The following FLRT2 variants were observed in gnomAD, a reference collection of about 807,000 sequenced individuals.
FLRT2 encodes fibronectin leucine rich transmembrane protein 2, also known as leucine-rich repeat transmembrane protein FLRT2.
Under a neutral mutation model 40.0 loss-of-function variants are expected in FLRT2, and 15 were observed. The observed-to-expected ratio is 0.38, with a 90% confidence interval of 0.25 to 0.58. The LOEUF (loss-of-function observed/expected upper bound fraction) is 0.58. Among genes scored for constraint, FLRT2 ranks in the 20% least tolerant of loss-of-function variants. The probability of loss-of-function intolerance (pLI) is 0.71; values close to 1 mark genes in which losing one functional copy is unlikely to be tolerated. For synonymous variants in FLRT2, 380 were observed against 336.8 expected (o/e 1.13, Z -1.41); for missense variants, 726 against 840.0 (o/e 0.86, Z 1.68).
At position 85,648,438 on chromosome 14, in the gene FLRT2, GC is replaced by G. The variant is rs1305505978; in HGVS notation, c.*24943del. 6.6e-6 allele frequency: 1 copy of G among 152,128 alleles called. No individual in the cohort carries two copies. Among genetic ancestry groups the G allele is most frequent in the Non-Finnish European group, 1.5e-5 (1 of 68,024 alleles). 9.4% of individuals were successfully genotyped at this position (152,128 alleles called of 1,614,324 possible). A position where few individuals can be genotyped will look rare whatever the true frequency, so the allele number is the denominator to read the frequency against. On this transcript the variant is annotated 3_prime_UTR_variant, in exon 2 of 2. Transcript: ENST00000330753. Reference sequence around the variant, plus strand: ...TTGGAAAGGCAAAAATGAGGCAGAGGCCATCTTTGTGTTGCTGGTTTGATTA... The same window carrying G: ...TTGGAAAGGCAAAAATGAGGCAGAGGCATCTTTGTGTTGCTGGTTTGATTA...
At chr14:85,581,314 T>A (rs939632876) in intron 1 of FLRT2, among the ~76,000 whole-genome samples, 24 of 152,232 alleles carry the variant, frequency 1.6e-4, no homozygotes, top group African/African-American at 5.5e-4. Context: ...GAGCAAGCAG[T>A]GCTCTGAATG....
At chr14:85,586,308 G>A (rs150264063) in intron 1 of FLRT2, among the ~76,000 whole-genome samples, 91 of 152,018 alleles carry the variant, frequency 6.0e-4, no homozygotes, top group African/African-American at 2.2e-3. Flanking sequence ...CTGGAGTCAG[G>A]CTTCAATCCC....
chr14:85,555,526 A>G (rs535515734), intron 1 of FLRT2, among the ~76,000 whole-genome samples: 420 of 152,168 alleles, frequency 2.8e-3, no homozygotes, highest in African/African-American at 9.9e-3. Flanking sequence ...ATTCACTACC[A>G]TGAGAACAGT....
intron 1 of FLRT2, among the ~76,000 whole-genome samples, chr14:85,583,751 T>C (rs571018744): frequency 6.6e-6 from 1 of 152,262 alleles, no homozygotes; most frequent in African/African-American, 2.4e-5. Flanking sequence ...GGCAGAAGCC[T>C]CCTGAAAATC....
chr14:85,592,237 A>G lies in FLRT2; in HGVS notation c.-376-28902A>G, dbSNP rs536994005. Reference sequence around the variant, plus strand: ...TAGAAAAATAAGAAAGTGTCCCCAGAGAAAGAAGGTGGTAGCTCCCCTTTC... The same window carrying G: ...TAGAAAAATAAGAAAGTGTCCCCAGGGAAAGAAGGTGGTAGCTCCCCTTTC... On this transcript the variant is annotated intron_variant, in intron 1 of 1. Coordinates refer to ENST00000330753, the MANE Select transcript of FLRT2 (RefSeq NM_013231.6). Among the ~76,000 whole-genome samples, 4 of 152,268 alleles carry G rather than the reference A, an allele frequency of 2.6e-5. No individual in the cohort carries two copies. In the South Asian group the frequency reaches 8.3e-4, roughly 32 times the overall value.
intron 1 of FLRT2, among the ~76,000 whole-genome samples, chr14:85,565,040 G>A (rs1890555594): frequency 6.6e-6 from 1 of 152,198 alleles, no homozygotes; most frequent in Non-Finnish European, 1.5e-5. Flanking sequence ...ATGTATAACA[G>A]TCAGTGGTAC....
At chr14:85,564,830 C>A (rs770791900) in intron 1 of FLRT2, among the ~76,000 whole-genome samples, 2 of 152,168 alleles carry the variant, frequency 1.3e-5, no homozygotes, top group Admixed American at 6.5e-5. Context: ...TAGCACTGAT[C>A]TCAAAGGGGT....
At position 85,540,588 on chromosome 14, in the gene FLRT2, C is replaced by T. The variant is rs537684195; in HGVS notation, c.-377+10054C>T. 1.4e-3 allele frequency among the ~76,000 whole-genome samples: 215 copies of T among 152,246 alleles called. 1 individual carries two copies. In the South Asian group the frequency reaches 0.017, roughly 12 times the overall value. On this transcript the variant is annotated intron_variant, in intron 1 of 1. Coordinates refer to ENST00000330753, the MANE Select transcript of FLRT2 (RefSeq NM_013231.6). ...TGGTGAAATCTATATTTATAAAATA[C>T]GTGGTTGGATCCCGATTCTTGGCCA...
chr14:85,552,103 A>T (rs182035707), intron 1 of FLRT2, among the ~76,000 whole-genome samples: 13 of 152,262 alleles, frequency 8.5e-5, no homozygotes, highest in Admixed American at 7.8e-4. Flanking sequence ...TGTTGCCCCT[A>T]AAAAAATCTG....
At chr14:85,589,295 A>C (rs1287212290) in intron 1 of FLRT2, among the ~76,000 whole-genome samples, 1 of 152,060 alleles carries the variant, frequency 6.6e-6, no homozygotes, top group East Asian at 1.9e-4. Context: ...TCTTCTGCAT[A>C]TAAGGTATTT....
At chr14:85,620,234 A>C (rs1043747192) in intron 1 of FLRT2, among the ~76,000 whole-genome samples, 1 of 151,670 alleles carries the variant, frequency 6.6e-6, no homozygotes, top group African/African-American at 2.4e-5. Context: ...TCTTTGAAAA[A>C]TTTTTTCTTT....
chr14:85,585,681 T>C (rs1891582227), intron 1 of FLRT2, among the ~76,000 whole-genome samples: 1 of 152,162 alleles, frequency 6.6e-6, no homozygotes, highest in Admixed American at 6.6e-5. Flanking sequence ...GTAAAATAAA[T>C]GATTTTTTTT....
intron 1 of FLRT2, among the ~76,000 whole-genome samples, chr14:85,619,552 A>G (rs2139366296): frequency 6.6e-6 from 1 of 152,358 alleles, no homozygotes; most frequent in African/African-American, 2.4e-5. Context: ...TTTAAATTAT[A>G]GAACACATTT....
At chr14:85,591,962 T>C (rs1221877849) in intron 1 of FLRT2, among the ~76,000 whole-genome samples, 2 of 152,208 alleles carry the variant, frequency 1.3e-5, no homozygotes, top group African/African-American at 4.8e-5. Context: ...AATATGCATT[T>C]ATGTCATTGT....
At position 85,626,731 on chromosome 14, in the gene FLRT2, T is replaced by C. The variant is rs1482770480; in HGVS notation, c.*3234T>C. ...CTTGTGTAACAAATGGAAAACATTC[T>C]CCCCTGTGAGAAATAATGCAATTTC... is the stretch of plus-strand genomic sequence containing the variant. On this transcript the variant is annotated 3_prime_UTR_variant, in exon 2 of 2. Transcript: ENST00000330753. The C allele has an allele frequency of 2.4e-5, 4 of 167,070 alleles. No homozygotes were observed. Among genetic ancestry groups the C allele is most frequent in the Non-Finnish European group, 4.4e-5 (3 of 68,112 alleles). 10.3% of individuals were successfully genotyped at this position (167,070 alleles called of 1,614,324 possible). A position where few individuals can be genotyped will look rare whatever the true frequency, so the allele number is the denominator to read the frequency against.
chr14:85,601,193 A>T (rs1892364702), intron 1 of FLRT2, among the ~76,000 whole-genome samples: 1 of 152,114 alleles, frequency 6.6e-6, no homozygotes, highest in Non-Finnish European at 1.5e-5. Context: ...GATAGAAGGG[A>T]GATGCAGCAT....
chr14:85,639,713 G>A lies in FLRT2; in HGVS notation c.*16216G>A, dbSNP rs567692779. ...AAAGATGGAAACACTGAAGCCCCCA[G>A]AAAGGACTGGCTAAGCTCTTACAAT... On this transcript the variant is annotated 3_prime_UTR_variant, in exon 2 of 2. Coordinates refer to ENST00000330753, the MANE Select transcript of FLRT2 (RefSeq NM_013231.6). The A allele has an allele frequency of 6.6e-6, 1 of 152,176 alleles. No homozygotes were observed. The highest frequency in any genetic ancestry group is 2.1e-4 in the South Asian group (1 of 4,822). The allele number at this position is 152,176 out of a possible 1,614,324, so 9.4% of individuals were successfully genotyped here.
At chr14:85,558,194 A>G (rs1210315455) in intron 1 of FLRT2, among the ~76,000 whole-genome samples, 2 of 152,124 alleles carry the variant, frequency 1.3e-5, no homozygotes, top group Admixed American at 1.3e-4. Flanking sequence ...GTTTATTTTC[A>G]TTTGGGTTTA....
Position 85,613,112 on chromosome 14 carries a change from C to T in FLRT2, c.-376-8027C>T, listed in dbSNP as rs188554804. ...GGTAAAGTAGTATGCAATTAAAGTT[C>T]GGTTGAACTGTCACATTGAATTTAT... On this transcript the variant is annotated intron_variant, in intron 1 of 1. Transcript: ENST00000330753. Among the ~76,000 whole-genome samples the T allele has an allele frequency of 1.1e-3, 168 of 151,796 alleles. 1 individual carries two copies. Among genetic ancestry groups the T allele is most frequent in the Middle Eastern group, 0.01 (3 of 290 alleles).
Sources: gnomAD v4.1 joint callset for allele counts (sites outside exome capture counted in the v4.1 genomes callset) on GRCh38, gnomAD v4.1.1 for gene constraint, MANE v1.5 for transcripts, NCBI Gene and HGNC (gene_info 2026-07-23, HGNC 2026-07-21) for gene names.